ANGPT1: variants seen among roughly 807,000 people sequenced by gnomAD.
ANGPT1 encodes the protein angiopoietin 1.
Under a neutral mutation model 62.2 loss-of-function variants are expected in ANGPT1, and 17 were observed. The ratio of observed to expected loss-of-function variants is 0.27; its 90% CI spans 0.19 to 0.41. ANGPT1 has a LOEUF of 0.41. Ranked by LOEUF, ANGPT1 falls within the 10% of genes least tolerant of loss-of-function variation. ANGPT1 has a pLI of 1.00. For synonymous variants in ANGPT1, 199 were observed against 198.9 expected, an observed-to-expected ratio of 1.00 and a Z score of 0.00; for missense variants, 478 against 594.9, an observed-to-expected ratio of 0.80 and a Z score of 2.04.
intron 1 of ANGPT1, among the ~76,000 whole-genome samples, chr8:107,452,376 T>G (rs1314321651): frequency 6.6e-6 from 1 of 151,868 alleles, no homozygotes; most frequent in Non-Finnish European, 1.5e-5. Context: ...TATTGCACCA[T>G]GCACATTCAT....
chr8:107,492,100 G>A (rs1003203032), intron 1 of ANGPT1, among the ~76,000 whole-genome samples: 9 of 152,028 alleles, frequency 5.9e-5, no homozygotes, highest in Admixed American at 3.9e-4. Context: ...CAATAATACC[G>A]AACTATTTGT....
intron 1 of ANGPT1, among the ~76,000 whole-genome samples, chr8:107,444,702 G>C (rs902206108): frequency 6.6e-6 from 1 of 152,184 alleles, no homozygotes; most frequent in Middle Eastern, 3.4e-3. Context: ...CTATCTACAG[G>C]TTCAGGCATC....
intron 7 of ANGPT1, among the ~76,000 whole-genome samples, chr8:107,279,053 C>G (rs1340742266): frequency 6.6e-6 from 1 of 152,160 alleles, no homozygotes; most frequent in Non-Finnish European, 1.5e-5. Context: ...GATTCCGACT[C>G]CAGAGCTCCT....
chr8:107,419,083 C>T (rs190947221), intron 1 of ANGPT1, among the ~76,000 whole-genome samples: 8 of 152,024 alleles, frequency 5.3e-5, no homozygotes, highest in Admixed American at 4.6e-4. Context: ...GGTCATGATC[C>T]CCCTTCAGCC....
At chr8:107,482,326 C>T (rs1812708802) in intron 1 of ANGPT1, among the ~76,000 whole-genome samples, 1 of 152,196 alleles carries the variant, frequency 6.6e-6, no homozygotes, top group Admixed American at 6.5e-5. Context: ...GAACCTTTTC[C>T]GAATCTAGAG....
intron 1 of ANGPT1, among the ~76,000 whole-genome samples, chr8:107,397,060 CT>C (rs1229708163): frequency 6.6e-6 from 1 of 152,084 alleles, no homozygotes; most frequent in Admixed American, 6.5e-5. Context: ...GCTGCTGTAC[CT>C]TAAATGACTA....
At chr8:107,267,080 C>T (rs967408348) in intron 7 of ANGPT1, among the ~76,000 whole-genome samples, 1 of 151,886 alleles carries the variant, frequency 6.6e-6, no homozygotes, top group Non-Finnish European at 1.5e-5. Context: ...TATCTGAACA[C>T]ATTCTTATAA....
At chr8:107,275,984 G>A (rs765725692) in intron 7 of ANGPT1, among the ~76,000 whole-genome samples, 1 of 152,098 alleles carries the variant, frequency 6.6e-6, no homozygotes, top group Non-Finnish European at 1.5e-5. Context: ...CAAGACTCTA[G>A]AGACTGACAT....
intron 6 of ANGPT1, among the ~76,000 whole-genome samples, chr8:107,288,786 A>G (rs910146644): frequency 1.3e-5 from 2 of 152,158 alleles, no homozygotes; most frequent in Non-Finnish European, 2.9e-5. Context: ...TTTTGATTAC[A>G]TGTCTGGGAC....
intron 1 of ANGPT1, among the ~76,000 whole-genome samples, chr8:107,347,975 T>C (rs1815842800): frequency 6.6e-6 from 1 of 152,178 alleles, no homozygotes; most frequent in Non-Finnish European, 1.5e-5. Context: ...AACATATGCA[T>C]TGTTTGAAAA....
chr8:107,280,955 A>G (rs1486461322), intron 7 of ANGPT1, among the ~76,000 whole-genome samples: 1 of 152,182 alleles, frequency 6.6e-6, no homozygotes, highest in Non-Finnish European at 1.5e-5. Context: ...ACCTCTCTAG[A>G]GGAAGTATTA....
At chr8:107,395,443 A>T (rs1222334339) in intron 1 of ANGPT1, among the ~76,000 whole-genome samples, 1 of 152,158 alleles carries the variant, frequency 6.6e-6, no homozygotes, top group African/African-American at 2.4e-5. Context: ...AGTGTATTAC[A>T]CTAGGCCATA....
chr8:107,348,143 A>T (rs1046376272), intron 1 of ANGPT1, among the ~76,000 whole-genome samples: 3 of 152,150 alleles, frequency 2.0e-5, no homozygotes, highest in Non-Finnish European at 2.9e-5. Flanking sequence ...CTTGGACTTG[A>T]GCACTGAAGT....
chr8:107,453,315 G>A (rs115630726), intron 1 of ANGPT1, among the ~76,000 whole-genome samples: 1 of 151,974 alleles, frequency 6.6e-6, no homozygotes, highest in Non-Finnish European at 1.5e-5. Flanking sequence ...CTGTTTTCAT[G>A]CTGCTGATAG....
chr8:107,392,913 T>C (rs1816862805), intron 1 of ANGPT1, among the ~76,000 whole-genome samples: 1 of 152,208 alleles, frequency 6.6e-6, no homozygotes, highest in South Asian at 2.1e-4. Flanking sequence ...TGTGCGGATC[T>C]ATTTCTGGTC....
intron 8 of ANGPT1, among the ~76,000 whole-genome samples, chr8:107,255,860 G>A (rs1340581202): frequency 6.6e-6 from 1 of 152,122 alleles, no homozygotes; most frequent in South Asian, 2.1e-4. Flanking sequence ...AAAAAAAAGA[G>A]ACAAGACCTT....
At chr8:107,309,351 GAAATTA>G (rs1814795374) in intron 4 of ANGPT1, among the ~76,000 whole-genome samples, 1 of 152,134 alleles carries the variant, frequency 6.6e-6, no homozygotes, top group African/African-American at 2.4e-5. Flanking sequence ...ACAGGTCACT[GAAATTA>G]ACTGAGCATA....
intron 1 of ANGPT1, among the ~76,000 whole-genome samples, chr8:107,416,638 G>A (rs1273325211): frequency 6.6e-6 from 1 of 152,066 alleles, no homozygotes; most frequent in African/African-American, 2.4e-5. Context: ...GACAAAAAGG[G>A]TATAATCTAA....
chr8:107,255,581 A>T (rs1813339898), intron 8 of ANGPT1, among the ~76,000 whole-genome samples: 1 of 152,172 alleles, frequency 6.6e-6, no homozygotes, highest in Admixed American at 6.5e-5. Flanking sequence ...AATCGTTCAT[A>T]TGAAGGTATT....
Sources: gnomAD v4.1 joint callset for allele counts (sites outside exome capture counted in the v4.1 genomes callset) on GRCh38, gnomAD v4.1.1 for gene constraint, MANE v1.5 for transcripts, NCBI Gene and HGNC (gene_info 2026-07-23, HGNC 2026-07-21) for gene names.